The following COG6 variants were observed in gnomAD, a reference collection of about 807,000 sequenced individuals.
COG6 encodes the protein component of oligomeric golgi complex 6.
In COG6, 74 loss-of-function variants were observed where a neutral mutation model predicts 88.8. The observed-to-expected ratio is 0.83, with a 90% CI of 0.69 to 1.01. The LOEUF (loss-of-function observed/expected upper bound fraction) is 1.01, where lower values mean the gene tolerates loss of function less well. Ranked by LOEUF, COG6 falls within the 50% of genes least tolerant of loss-of-function variation. The pLI is 0.00. For synonymous variants in COG6, 286 were observed against 278.7 expected, an observed-to-expected ratio of 1.03 and a Z score of -0.26; for missense variants, 800 against 797.9, an observed-to-expected ratio of 1.00 and a Z score of -0.03.
intron 13 of COG6, among the ~76,000 whole-genome samples, chr13:39,715,225 G>A (rs964066567): frequency 6.6e-6 from 1 of 150,560 alleles, no homozygotes; most frequent in Non-Finnish European, 1.5e-5. Flanking sequence ...AATTTTTAAA[G>A]ATTTATTGCT....
Position 39,655,694 on chromosome 13 carries a change from G to A in COG6, c.-33G>A. 6.4e-7 allele frequency: 1 copy of A among 1,552,860 alleles called. No homozygotes were observed. The highest frequency in any genetic ancestry group is 2.4e-5 in the East Asian group (1 of 41,482). On this transcript the variant is annotated 5_prime_UTR_variant, in exon 1 of 19. Coordinates refer to ENST00000455146, the MANE Select transcript of COG6 (RefSeq NM_020751.3). ...CTGCCTCCGTGGTCCCTGCCTGGCT[G>A]AGGTGGCAGCAGGGGGCGGGACGCG...
chr13:39,782,313 T>C (rs140083558), intron 18 of COG6, among the ~76,000 whole-genome samples: 6 of 152,316 alleles, frequency 3.9e-5, no homozygotes, highest in Non-Finnish European at 4.4e-5. Flanking sequence ...TATGAAATAA[T>C]CATTTCAAGA....
At chr13:39,697,971 C>G (rs1877368326) in intron 12 of COG6, among the ~76,000 whole-genome samples, 2 of 151,932 alleles carry the variant, frequency 1.3e-5, no homozygotes, top group African/African-American at 4.8e-5. Context: ...TAACTCTCAT[C>G]TTCTACATCA....
chr13:39,703,352 A>G (rs762053570), intron 13 of COG6, among the ~76,000 whole-genome samples: 5 of 152,158 alleles, frequency 3.3e-5, no homozygotes, highest in Non-Finnish European at 5.9e-5. Context: ...TCTAGTGAGA[A>G]TGAACATTTT....
At chr13:39,703,297 G>A (rs1222955335) in intron 13 of COG6, among the ~76,000 whole-genome samples, 1 of 151,950 alleles carries the variant, frequency 6.6e-6, no homozygotes, top group East Asian at 1.9e-4. Flanking sequence ...AACATGACGA[G>A]CAAAAGCGAC....
intron 18 of COG6, among the ~76,000 whole-genome samples, chr13:39,777,272 G>T (rs546650901): frequency 6.6e-6 from 1 of 152,112 alleles, no homozygotes; most frequent in Non-Finnish European, 1.5e-5. Flanking sequence ...GAGCACAGAG[G>T]GGGGTGTCCA....
chr13:39,719,460 C>T, intron 14 of COG6, 93 bp downstream of exon 14: 1 of 1,306,818 alleles, frequency 7.7e-7, no homozygotes, highest in Non-Finnish European at 1.1e-6. Context: ...TATACTTTGA[C>T]AGTCTCTTTC....
intron 18 of COG6, among the ~76,000 whole-genome samples, chr13:39,772,589 A>G (rs761957578): frequency 3.3e-5 from 5 of 152,232 alleles, no homozygotes; most frequent in African/African-American, 4.8e-5. Context: ...AACACCTGAC[A>G]TAGGCTTTCC....
intron 13 of COG6, among the ~76,000 whole-genome samples, chr13:39,717,477 G>C (rs781139819): frequency 3.9e-5 from 1 of 25,428 alleles, no homozygotes; most frequent in Non-Finnish European, 7.6e-5. Context: ...CTGATGTTCT[G>C]TTCATTTTTT....
chr13:39,665,837 T>C (rs1169870542), intron 4 of COG6, among the ~76,000 whole-genome samples: 3 of 152,228 alleles, frequency 2.0e-5, no homozygotes, highest in Non-Finnish European at 4.4e-5. Flanking sequence ...TATGGAGATA[T>C]TACCACTTTA....
chr13:39,689,698 A>T, intron 10 of COG6, 62 bp from the exon 11 acceptor site: 3 of 1,122,882 alleles, frequency 2.7e-6, no homozygotes, highest in Non-Finnish European at 4.0e-6. Flanking sequence ...TAGTTTTTTG[A>T]ACTTATATGA....
chr13:39,774,512 G>A (rs1252616465), intron 18 of COG6, among the ~76,000 whole-genome samples: 5 of 151,834 alleles, frequency 3.3e-5, no homozygotes, highest in Admixed American at 1.3e-4. Flanking sequence ...TTTATCAGTG[G>A]TTTGGAGCAG....
intron 18 of COG6, among the ~76,000 whole-genome samples, chr13:39,742,157 C>A (rs1880078706): frequency 6.6e-6 from 1 of 152,086 alleles, no homozygotes; most frequent in African/African-American, 2.4e-5. Context: ...ACATGCCGAA[C>A]TGTAAAGACC....
intron 18 of COG6, among the ~76,000 whole-genome samples, chr13:39,731,182 C>T (rs1014380042): frequency 2.6e-5 from 4 of 152,072 alleles, no homozygotes; most frequent in Non-Finnish European, 5.9e-5. Flanking sequence ...GTTCTCTTCT[C>T]CTGAACTTTA....
In COG6 at chr13:39,751,457, A is replaced by C; in HGVS notation, c.*364A>C. 1 of 1,256,982 alleles carries C rather than the reference A, an allele frequency of 8.0e-7. No homozygotes were observed. The highest frequency in any genetic ancestry group is 1.0e-6 in the Non-Finnish European group (1 of 963,414). The allele number at this position is 1,256,982 out of a possible 1,614,324, so 77.9% of individuals were successfully genotyped here. ...GCTTATAAAAAATTTGTCTAAATTT[A>C]ATAATTAGTATAAGGATATGACCTA... On this transcript the variant is annotated 3_prime_UTR_variant, in exon 19 of 19. Transcript: ENST00000455146.
chr13:39,672,756 T>C (rs1046983636), intron 4 of COG6, among the ~76,000 whole-genome samples: 4 of 152,088 alleles, frequency 2.6e-5, no homozygotes, highest in Non-Finnish European at 4.4e-5. Context: ...CTTAGGTATA[T>C]ATTTAGGGGT....
intron 18 of COG6, among the ~76,000 whole-genome samples, chr13:39,781,483 T>G (rs912374178): frequency 3.3e-5 from 5 of 150,040 alleles, no homozygotes; most frequent in African/African-American, 1.2e-4. Flanking sequence ...ATGGCTGGAA[T>G]GGAACTATTT....
At chr13:39,749,638 G>A (rs1291690275) in intron 18 of COG6, among the ~76,000 whole-genome samples, 1 of 152,164 alleles carries the variant, frequency 6.6e-6, no homozygotes, top group Non-Finnish European at 1.5e-5. Flanking sequence ...AGACTTCATG[G>A]ATAAGAGAGA....
chr13:39,658,220 T>A (rs1003332160), intron 1 of COG6, among the ~76,000 whole-genome samples: 5 of 151,946 alleles, frequency 3.3e-5, no homozygotes, highest in Non-Finnish European at 7.4e-5. Flanking sequence ...ATGGCCTTAC[T>A]GTAGCCTTGA....
Sources: allele counts gnomAD v4.1 joint callset (sites outside exome capture counted in the v4.1 genomes callset), GRCh38; gene constraint gnomAD v4.1.1; transcripts MANE v1.5; gene names NCBI Gene and HGNC (gene_info 2026-07-23, HGNC 2026-07-21).